Variants in TF observed in about 807,000 individuals in gnomAD.
The protein encoded by TF is transferrin, also known as serotransferrin.
TF carries 55 observed loss-of-function variants against 82.4 expected under a neutral mutation model. The ratio of observed to expected loss-of-function variants is 0.67; its 90% CI spans 0.54 to 0.84. TF has a LOEUF of 0.84. TF is among the 40% of genes least tolerant of loss of function. TF has a pLI of 0.00. For synonymous variants in TF, 332 were observed against 332.6 expected (o/e 1.00, Z 0.02); for missense variants, 737 against 868.4 (o/e 0.85, Z 1.90).
chr3:133,671,498 G>A, the TF span, among the ~76,000 whole-genome samples: 1 of 152,078 alleles, frequency 6.6e-6, no homozygotes, highest in African/African-American at 2.4e-5. Flanking sequence ...AAAAAGGCAA[G>A]AGAGGCCAGG....
the TF span, among the ~76,000 whole-genome samples, chr3:133,729,264 G>A: frequency 1.8e-4 from 27 of 152,350 alleles, no homozygotes; most frequent in African/African-American, 6.5e-4. Flanking sequence ...CCCAGAGATG[G>A]AGCCTACAAA....
chr3:133,696,311 T>A, the TF span, among the ~76,000 whole-genome samples: 1 of 152,138 alleles, frequency 6.6e-6, no homozygotes, highest in African/African-American at 2.4e-5. Context: ...AAAAAATGGT[T>A]CTTTTTTTAT....
chr3:133,731,597 T>G, the TF span, among the ~76,000 whole-genome samples: 1 of 152,216 alleles, frequency 6.6e-6, no homozygotes, highest in Non-Finnish European at 1.5e-5. Flanking sequence ...GAGTGTGTAT[T>G]TGGTATGTAG....
At chr3:133,685,386 C>T in the TF span, among the ~76,000 whole-genome samples, 7 of 152,076 alleles carry the variant, frequency 4.6e-5, no homozygotes, top group African/African-American at 1.2e-4. Context: ...AAAGGGTATT[C>T]GATTAGGAAA....
At chr3:133,700,667 G>C in the TF span, among the ~76,000 whole-genome samples, 1 of 152,186 alleles carries the variant, frequency 6.6e-6, no homozygotes, top group Non-Finnish European at 1.5e-5. Context: ...GGTGGCCCCT[G>C]GCAATTTCCC....
the TF span, among the ~76,000 whole-genome samples, chr3:133,671,362 C>G: frequency 1.5e-4 from 23 of 152,106 alleles, no homozygotes; most frequent in African/African-American, 5.5e-4. Flanking sequence ...ATATTTTGAA[C>G]TGAATAACCA....
chr3:133,757,874 C>G lies in TF; in HGVS notation c.976C>G (p.Pro326Ala). ...DSAHGFLKVP[P>A]RMDAKMYLGY... is the part of the protein sequence containing the mutation. The stretch of plus-strand genomic sequence containing the variant: ...TGCCCACGGGTTTTTAAAAGTCCCC[C>G]CCAGGATGGATGCCAAGATGTACCT... The change falls in exon 8 of 17, where the codon CCC becomes GCC. Residue 326 changes from proline to alanine, a missense_variant. Transcript: ENST00000402696. The G allele has an allele frequency of 6.2e-7, 1 of 1,614,200 alleles. No homozygotes were observed. The highest frequency in any genetic ancestry group is 8.5e-7 in the Non-Finnish European group (1 of 1,180,030).
chr3:133,705,497 C>T, the TF span, among the ~76,000 whole-genome samples: 5 of 152,146 alleles, frequency 3.3e-5, no homozygotes, highest in Non-Finnish European at 7.3e-5. Flanking sequence ...CAATGAGCAC[C>T]TCCACTTTCT....
the TF span, among the ~76,000 whole-genome samples, chr3:133,722,669 G>A: frequency 6.6e-6 from 1 of 152,036 alleles, no homozygotes; most frequent in Non-Finnish European, 1.5e-5. Context: ...ATAAAAGTAC[G>A]CATTTTCCTT....
the TF span, among the ~76,000 whole-genome samples, chr3:133,678,714 T>G: frequency 3.9e-5 from 6 of 152,212 alleles, no homozygotes; most frequent in Non-Finnish European, 7.3e-5. Context: ...GGTTGTTTGC[T>G]TTTTCTTGTA....
At chr3:133,687,362 T>C in the TF span, among the ~76,000 whole-genome samples, 1 of 152,144 alleles carries the variant, frequency 6.6e-6, no homozygotes, top group Non-Finnish European at 1.5e-5. Flanking sequence ...AAAAAGATAC[T>C]GACTAAATCA....
At chr3:133,663,682 A>C in the TF span, among the ~76,000 whole-genome samples, 1 of 152,084 alleles carries the variant, frequency 6.6e-6, no homozygotes, top group Non-Finnish European at 1.5e-5. Context: ...AAGTTCAGGG[A>C]CTGTGTCACT....
At chr3:133,707,427 T>A in the TF span, 1 of 152,248 alleles carries the variant, frequency 6.6e-6, no homozygotes, top group Admixed American at 6.5e-5. Flanking sequence ...GAAAGCCACC[T>A]CCCTAACCTG....
chr3:133,727,750 T>G, the TF span, among the ~76,000 whole-genome samples: 2 of 129,526 alleles, frequency 1.5e-5, no homozygotes, highest in African/African-American at 5.9e-5. Flanking sequence ...CTTCCTAGTC[T>G]CGATGGTCTT....
chr3:133,756,888 C>G lies in TF; in HGVS notation c.749C>G (p.Thr250Ser), dbSNP rs746974199. ...DQYELLCLDNTRKPVDEYKDC... is the reference protein window; with the variant it reads ...DQYELLCLDNSRKPVDEYKDC... ...TATGAGCTGCTTTGCCTGGACAACA[C>G]CCGGAAGCCGGTAGATGAATACAAG... is the stretch of plus-strand genomic sequence containing the variant. Residue 250 changes from threonine to serine, a missense_variant, in exon 7 of 17, where the codon ACC becomes AGC. Coordinates refer to ENST00000402696, the MANE Select transcript of TF (RefSeq NM_001063.4). 1 of 1,614,220 alleles carries G rather than the reference C, an allele frequency of 6.2e-7. No homozygotes were observed. Among genetic ancestry groups the G allele is most frequent in the South Asian group, 1.1e-5 (1 of 91,080 alleles).
the TF span, among the ~76,000 whole-genome samples, chr3:133,706,873 G>C: frequency 6.6e-6 from 1 of 152,164 alleles, no homozygotes; most frequent in Non-Finnish European, 1.5e-5. Flanking sequence ...CTGTGTGGCA[G>C]GACCCCAGCC....
the TF span, among the ~76,000 whole-genome samples, chr3:133,720,354 C>A: frequency 6.6e-6 from 1 of 152,054 alleles, no homozygotes; most frequent in Non-Finnish European, 1.5e-5. Flanking sequence ...TTCAAATAAT[C>A]ATATGGTTTT....
chr3:133,694,850 TTTTA>T, the TF span, among the ~76,000 whole-genome samples: 34,389 of 146,718 alleles, frequency 0.23, 4,251 homozygotes, highest in East Asian at 0.43. Flanking sequence ...AAGCCTTTAG[TTTTA>T]TTTATTTATT....
the TF span, among the ~76,000 whole-genome samples, chr3:133,670,642 G>A: frequency 6.6e-6 from 1 of 152,204 alleles, no homozygotes; most frequent in Non-Finnish European, 1.5e-5. Context: ...CTGCATAGGA[G>A]ATTGCTCAAC....
Sources: allele counts gnomAD v4.1 joint callset (sites outside exome capture counted in the v4.1 genomes callset), GRCh38; gene constraint gnomAD v4.1.1; transcripts MANE v1.5; gene names NCBI Gene and HGNC (gene_info 2026-07-23, HGNC 2026-07-21).